UVRAG: variants seen among roughly 807,000 people sequenced by gnomAD.
UVRAG encodes UV radiation resistance-associated gene protein.
Under a neutral mutation model 78.0 loss-of-function variants are expected in UVRAG, and 19 were observed. The ratio of observed to expected loss-of-function variants is 0.24; its 90% CI spans 0.17 to 0.36. The LOEUF is 0.36. Among genes scored for constraint, UVRAG ranks in the 10% least tolerant of loss-of-function variants. The probability of loss-of-function intolerance (pLI) is 1.00; values close to 1 mark genes in which losing one functional copy is unlikely to be tolerated. For synonymous variants in UVRAG, 323 were observed against 324.6 expected, an observed-to-expected ratio of 1.00 and a Z score of 0.05; for missense variants, 740 against 853.8, an observed-to-expected ratio of 0.87 and a Z score of 1.66.
rs554620953 is a variant in UVRAG at position 75,958,764 on chromosome 11, C to T, written c.594-2680C>T. Among the ~76,000 whole-genome samples, 50 of 152,244 alleles carry T rather than the reference C, an allele frequency of 3.3e-4. 1 individual carries two copies. In the South Asian group the frequency reaches 9.3e-3, roughly 28 times the overall value. On this transcript the variant is annotated intron_variant, in intron 6 of 14. Transcript: ENST00000356136. ...TTTCCATTGATTTTGCCCAGATCCA[C>T]CAGAAGAATCAATTATCTGTGGCAA...
intron 7 of UVRAG, among the ~76,000 whole-genome samples, chr11:75,982,880 T>C (rs901188487): frequency 1.3e-5 from 2 of 152,258 alleles, no homozygotes; most frequent in African/African-American, 4.8e-5. Context: ...ATTGTATGGA[T>C]AGGCCACATT....
rs550491969 is a variant in UVRAG at position 76,082,471 on chromosome 11, C to T, written c.1305+16683C>T. Among the ~76,000 whole-genome samples the T allele has an allele frequency of 2.9e-4, 38 of 130,002 alleles. 1 individual carries two copies. The South Asian group carries it at 3.8e-3, about 13-fold the overall frequency. 85.3% of individuals were successfully genotyped at this position (130,002 alleles called of 152,430 possible). A position where few individuals can be genotyped will look rare whatever the true frequency, so the allele number is the denominator to read the frequency against. Reference sequence around the variant, plus strand: ...AGGAGAATGGCATGAACCCGGGAGGCGGAGCTTGCAGTGAGCGGAGATGGC... The same window carrying T: ...AGGAGAATGGCATGAACCCGGGAGGTGGAGCTTGCAGTGAGCGGAGATGGC... On this transcript the variant is annotated intron_variant, in intron 13 of 14. Transcript: ENST00000356136.
At chr11:76,009,007 G>A (rs1357101899) in intron 11 of UVRAG, 140 bp downstream of exon 11, 5 of 479,984 alleles carry the variant, frequency 1.0e-5, no homozygotes, top group African/African-American at 5.8e-5. Context: ...ATGTATATCA[G>A]ACTCCTTGAT....
At chr11:75,969,887 T>C (rs1265330855) in intron 7 of UVRAG, among the ~76,000 whole-genome samples, 1 of 152,214 alleles carries the variant, frequency 6.6e-6, no homozygotes, top group Non-Finnish European at 1.5e-5. Flanking sequence ...ATCAAGATAC[T>C]AACCTTTTCC....
intron 12 of UVRAG, among the ~76,000 whole-genome samples, chr11:76,039,717 A>G (rs1950606002): frequency 6.6e-6 from 1 of 152,104 alleles, no homozygotes. Flanking sequence ...TCTACTAAAA[A>G]CACAAAAATT....
chr11:76,141,030 A>G lies in UVRAG; in HGVS notation c.1717A>G (p.Asn573Asp), dbSNP rs151198998. 11 of 1,614,046 alleles carry G rather than the reference A, an allele frequency of 6.8e-6. No homozygotes were observed. In the African/African-American group the frequency reaches 1.1e-4, roughly 16 times the overall value. Reference protein sequence around the residue: ...KKGEDLVGSLNGGHANVHPSQ... With the variant: ...KKGEDLVGSLDGGHANVHPSQ... ...AGGAGAGGATCTAGTTGGCAGCTTA[A>G]ACGGAGGCCACGCGAATGTGCACCC... Residue 573 changes from asparagine (N) to aspartate (D), a missense_variant, in exon 15 of 15, where the codon AAC (asparagine) becomes GAC (aspartate). Transcript: ENST00000356136.
At chr11:75,914,047 G>A (rs979377220) in intron 6 of UVRAG, among the ~76,000 whole-genome samples, 4 of 152,150 alleles carry the variant, frequency 2.6e-5, no homozygotes, top group East Asian at 3.8e-4. Context: ...ACCAGATCAC[G>A]TGACTATTTA....
rs953956397 is a variant in UVRAG, at chr11:76,142,706, A to G, written c.*1293A>G. 6.6e-6 allele frequency: 1 copy of G among 152,214 alleles called. No homozygotes were observed. The highest frequency in any genetic ancestry group is 6.5e-5 in the Admixed American group (1 of 15,274). 9.4% of individuals were successfully genotyped at this position (152,214 alleles called of 1,614,324 possible). Reference sequence around the variant, plus strand: ...AAATTCCTCTTGAACCTACGTCTCCATATGTCACATCATGACAGGACTAGC... The same window carrying G: ...AAATTCCTCTTGAACCTACGTCTCCGTATGTCACATCATGACAGGACTAGC... On this transcript the variant is annotated 3_prime_UTR_variant, in exon 15 of 15. Transcript: ENST00000356136.
chr11:76,125,588 C>T (rs1258128559), intron 14 of UVRAG, among the ~76,000 whole-genome samples: 1 of 152,214 alleles, frequency 6.6e-6, no homozygotes, highest in Non-Finnish European at 1.5e-5. Flanking sequence ...TGTGCACTAA[C>T]CCTCCACTGG....
At chr11:75,820,530 T>C (rs1315100554) in intron 1 of UVRAG, among the ~76,000 whole-genome samples, 1 of 152,066 alleles carries the variant, frequency 6.6e-6, no homozygotes, top group Non-Finnish European at 1.5e-5. Context: ...AATTTTTGTA[T>C]TTTTGGTAGA....
At chr11:75,908,062 A>G (rs1351845673) in intron 5 of UVRAG, among the ~76,000 whole-genome samples, 3 of 152,162 alleles carry the variant, frequency 2.0e-5, no homozygotes, top group Non-Finnish European at 4.4e-5. Context: ...ACTCTTTATT[A>G]AACAATAATT....
At chr11:76,062,983 C>T (rs973558084) in intron 12 of UVRAG, among the ~76,000 whole-genome samples, 9 of 152,326 alleles carry the variant, frequency 5.9e-5, no homozygotes, top group African/African-American at 2.2e-4. Context: ...CTGAGCTGCT[C>T]TGCTTCTGTT....
intron 1 of UVRAG, among the ~76,000 whole-genome samples, chr11:75,838,355 T>C (rs1319025213): frequency 6.6e-6 from 1 of 152,160 alleles, no homozygotes; most frequent in Non-Finnish European, 1.5e-5. Flanking sequence ...TTTTTGTTTT[T>C]GAGACAGAAT....
At chr11:76,047,595 G>A (rs1950784151) in intron 12 of UVRAG, among the ~76,000 whole-genome samples, 1 of 152,178 alleles carries the variant, frequency 6.6e-6, no homozygotes, top group African/African-American at 2.4e-5. Flanking sequence ...CTGGCCAGAT[G>A]TAGATTCCCG....
chr11:76,075,916 T>A (rs1322918725), intron 13 of UVRAG, among the ~76,000 whole-genome samples: 1 of 143,672 alleles, frequency 7.0e-6, no homozygotes, highest in East Asian at 1.9e-4. Context: ...CATGTATGAG[T>A]CATTCCTTTT....
intron 7 of UVRAG, among the ~76,000 whole-genome samples, chr11:75,968,874 C>T (rs1191977150): frequency 1.3e-5 from 2 of 152,154 alleles, no homozygotes; most frequent in Non-Finnish European, 2.9e-5. Flanking sequence ...TGTAAGAACA[C>T]CTTAGGCTTC....
intron 13 of UVRAG, among the ~76,000 whole-genome samples, chr11:76,113,295 G>GA (rs1952114279): frequency 6.6e-6 from 1 of 152,004 alleles, no homozygotes; most frequent in Non-Finnish European, 1.5e-5. Context: ...TATTCTTTAA[G>GA]AAAAAGCTAG....
At position 76,019,811 on chromosome 11, in the gene UVRAG, G is replaced by A. The variant is rs527670563; in HGVS notation, c.1226+2831G>A. Among the ~76,000 whole-genome samples the A allele has an allele frequency of 5.9e-5, 9 of 152,288 alleles. No homozygotes were observed. The East Asian group carries it at 1.4e-3, about 23-fold the overall frequency. The stretch of plus-strand genomic sequence containing the variant: ...AGCATAGGACTGGGTCTTATCCTAG[G>A]CCCTGTGTAACCTCTACCTGGCTAC... On this transcript the variant is annotated intron_variant, in intron 12 of 14. Transcript: ENST00000356136.
chr11:76,000,976 A>G (rs1382808917), intron 8 of UVRAG, among the ~76,000 whole-genome samples: 2 of 152,250 alleles, frequency 1.3e-5, no homozygotes, highest in Non-Finnish European at 2.9e-5. Flanking sequence ...AAAATCAGTT[A>G]AAAGACATTA....
Sources: allele counts gnomAD v4.1 joint callset (sites outside exome capture counted in the v4.1 genomes callset), GRCh38; gene constraint gnomAD v4.1.1; transcripts MANE v1.5; gene names NCBI Gene and HGNC (gene_info 2026-07-23, HGNC 2026-07-21).